SWAP70: variants seen among roughly 807,000 people sequenced by gnomAD.
SWAP70 encodes the protein switch-associated protein 70.
SWAP70 carries 34 observed loss-of-function variants against 80.2 expected under a neutral mutation model. The observed-to-expected ratio is 0.42, with a 90% CI of 0.32 to 0.56. SWAP70 has a LOEUF of 0.56. SWAP70 is among the 20% of genes least tolerant of loss of function. The pLI, the probability that SWAP70 is intolerant of heterozygous loss-of-function variation, is 0.09. For missense variants in SWAP70, 578 were observed against 690.7 expected (o/e 0.84, Z 1.83); for synonymous variants, 239 against 238.5 (o/e 1.00, Z -0.02).
intron 1 of SWAP70, among the ~76,000 whole-genome samples, chr11:9,667,016 CCTGA>C (rs1850315483): frequency 6.6e-6 from 1 of 152,022 alleles, no homozygotes; most frequent in South Asian, 2.1e-4. Context: ...CGCTGCCATG[CCTGA>C]CTAATTTTTT....
rs181187075 is a variant in SWAP70, at chr11:9,723,332, C to T, written c.415-1326C>T. 7.3e-4 allele frequency among the ~76,000 whole-genome samples: 111 copies of T among 152,188 alleles called. 1 individual carries two copies. In the East Asian group the frequency reaches 0.018, roughly 25 times the overall value. Reference sequence around the variant, plus strand: ...TATCATGACCCAGCACACACACACACTCAAAGCAAAACTTATCACAAAACA... The same window carrying T: ...TATCATGACCCAGCACACACACACATTCAAAGCAAAACTTATCACAAAACA... On this transcript the variant is annotated intron_variant, in intron 3 of 11. Coordinates refer to ENST00000318950, the MANE Select transcript of SWAP70 (RefSeq NM_015055.4).
chr11:9,715,903 C>G (rs1212770270), intron 3 of SWAP70, among the ~76,000 whole-genome samples: 1 of 152,208 alleles, frequency 6.6e-6, no homozygotes, highest in Non-Finnish European at 1.5e-5. Context: ...TGCCCACTTC[C>G]CAATTATCAT....
chr11:9,684,111 T>C (rs2134436796), intron 1 of SWAP70, among the ~76,000 whole-genome samples: 1 of 152,312 alleles, frequency 6.6e-6, no homozygotes, highest in Middle Eastern at 3.4e-3. Context: ...AGACAGGGTC[T>C]TACACTGTCA....
At chr11:9,733,071 G>C (rs547237559) in intron 7 of SWAP70, among the ~76,000 whole-genome samples, 1 of 152,060 alleles carries the variant, frequency 6.6e-6, no homozygotes, top group Non-Finnish European at 1.5e-5. Flanking sequence ...TTTCTCCTTA[G>C]CTCCCATCTT....
intron 2 of SWAP70, among the ~76,000 whole-genome samples, chr11:9,707,099 A>G (rs1214436775): frequency 2.0e-5 from 3 of 152,180 alleles, no homozygotes; most frequent in Admixed American, 1.3e-4. Flanking sequence ...GTGTGAAAAC[A>G]CTTGAATACT....
intron 2 of SWAP70, among the ~76,000 whole-genome samples, chr11:9,710,122 C>T (rs1850975973): frequency 6.6e-6 from 1 of 151,934 alleles, no homozygotes; most frequent in African/African-American, 2.4e-5. Context: ...AAATCCAGTC[C>T]ACATTTAAGT....
chr11:9,672,505 G>A (rs1236279479), intron 1 of SWAP70, among the ~76,000 whole-genome samples: 2 of 148,524 alleles, frequency 1.3e-5, no homozygotes, highest in Admixed American at 6.8e-5. Context: ...CTGGGACTAC[G>A]GGTGTATGCC....
intron 4 of SWAP70, chr11:9,725,131 C>T: frequency 4.6e-6 from 2 of 431,014 alleles, no homozygotes. Flanking sequence ...GCATGCACCC[C>T]CATGCCCAGC....
At chr11:9,734,483 A>G (rs1002314536) in intron 7 of SWAP70, among the ~76,000 whole-genome samples, 1 of 152,226 alleles carries the variant, frequency 6.6e-6, no homozygotes, top group African/African-American at 2.4e-5. Flanking sequence ...ACCTAGGTTT[A>G]TAGAATTATT....
intron 8 of SWAP70, among the ~76,000 whole-genome samples, chr11:9,739,057 C>G (rs951776775): frequency 1.3e-5 from 2 of 152,136 alleles, no homozygotes; most frequent in African/African-American, 4.8e-5. Flanking sequence ...CATGGTATAT[C>G]TCCTCTGTAA....
In SWAP70 at chr11:9,710,467, C is replaced by T. The variant is rs183800929; in HGVS notation, c.241-2999C>T. Among the ~76,000 whole-genome samples the T allele has an allele frequency of 3.3e-5, 5 of 152,194 alleles. No homozygotes were observed. In the East Asian group the frequency reaches 9.7e-4, roughly 29 times the overall value. ...AGGAGCTCTTTCTACTCCTGGAGGA[C>T]TGGTTTGCCAACTACAAATTAAAGT... On this transcript the variant is annotated intron_variant, in intron 2 of 11. Coordinates refer to ENST00000318950, the MANE Select transcript of SWAP70 (RefSeq NM_015055.4).
At chr11:9,679,400 A>G (rs1474586324) in intron 1 of SWAP70, among the ~76,000 whole-genome samples, 1 of 152,208 alleles carries the variant, frequency 6.6e-6, no homozygotes, top group African/African-American at 2.4e-5. Flanking sequence ...GGCAGGCAGC[A>G]CATCTCCATC....
intron 1 of SWAP70, among the ~76,000 whole-genome samples, chr11:9,668,992 G>A (rs761012986): frequency 3.7e-4 from 57 of 152,174 alleles, no homozygotes; most frequent in Non-Finnish European, 1.2e-4. Context: ...TCTCCAGATA[G>A]AGATTATATT....
At chr11:9,734,310 C>T (rs1334144908) in intron 7 of SWAP70, among the ~76,000 whole-genome samples, 3 of 152,156 alleles carry the variant, frequency 2.0e-5, no homozygotes, top group Non-Finnish European at 4.4e-5. Flanking sequence ...TTTAAGACCG[C>T]ATTCTTTGAC....
chr11:9,707,553 T>G (rs1850931569), intron 2 of SWAP70, among the ~76,000 whole-genome samples: 1 of 122,100 alleles, frequency 8.2e-6, no homozygotes, highest in African/African-American at 3.5e-5. Context: ...TTTCTTTTTC[T>G]TTTCTTTTTT....
In SWAP70 at chr11:9,728,034, C is replaced by T. The variant is rs762798210; in HGVS notation, c.643-19C>T. 1.6e-5 allele frequency: 25 copies of T among 1,568,208 alleles called. No homozygotes were observed. Among genetic ancestry groups the T allele is most frequent in the Middle Eastern group, 1.7e-4 (1 of 5,784 alleles). ...CAAATAAAAAGACAATAATTTATAT[C>T]ACATTTAATCTTTCACAGGGTTACA... On this transcript the variant is annotated intron_variant, in intron 4 of 11. Transcript: ENST00000318950.
intron 1 of SWAP70, among the ~76,000 whole-genome samples, chr11:9,687,756 A>T (rs1167569378): frequency 4.6e-5 from 7 of 152,196 alleles, no homozygotes; most frequent in Admixed American, 1.3e-4. Context: ...GCTTAGCCCT[A>T]TGCTAGTCAC....
chr11:9,694,759 T>C (rs902421869), intron 2 of SWAP70, among the ~76,000 whole-genome samples: 13 of 152,104 alleles, frequency 8.5e-5, no homozygotes, highest in Admixed American at 7.9e-4. Flanking sequence ...CACAATGAGA[T>C]ACCATCTCAC....
intron 5 of SWAP70, among the ~76,000 whole-genome samples, chr11:9,728,917 G>A (rs1046827234): frequency 2.0e-5 from 3 of 152,134 alleles, no homozygotes; most frequent in African/African-American, 4.8e-5. Flanking sequence ...CAGAAACCAC[G>A]GGTTGCCAGC....
Sources: gnomAD v4.1 joint callset for allele counts (sites outside exome capture counted in the v4.1 genomes callset) on GRCh38, gnomAD v4.1.1 for gene constraint, MANE v1.5 for transcripts, NCBI Gene and HGNC (gene_info 2026-07-23, HGNC 2026-07-21) for gene names.